SPTLC3: variants seen among roughly 807,000 people sequenced by gnomAD.
The protein encoded by SPTLC3 is serine palmitoyltransferase long chain base subunit 3.
Under a neutral mutation model 59.3 loss-of-function variants are expected in SPTLC3, and 36 were observed. The observed-to-expected ratio is 0.61, with a 90% CI of 0.47 to 0.80. The LOEUF is 0.80. Among genes scored for constraint, SPTLC3 ranks in the 30% least tolerant of loss-of-function variants. The probability of loss-of-function intolerance (pLI) is 0.00; values close to 1 mark genes in which losing one functional copy is unlikely to be tolerated. For synonymous variants in SPTLC3, 257 were observed against 240.8 expected (o/e 1.07, Z -0.62); for missense variants, 625 against 685.1 (o/e 0.91, Z 0.98).
At chr20:13,038,352 C>G (rs1237311311) in intron 1 of SPTLC3, among the ~76,000 whole-genome samples, 1 of 152,090 alleles carries the variant, frequency 6.6e-6, no homozygotes, top group Non-Finnish European at 1.5e-5. Context: ...ATTATTAATT[C>G]AATGCCTTCA....
chr20:13,091,828 T>G (rs1989232836), intron 5 of SPTLC3, among the ~76,000 whole-genome samples: 2 of 152,212 alleles, frequency 1.3e-5, no homozygotes, highest in Admixed American at 1.3e-4. Context: ...TATTAAGCAT[T>G]TATTTGGACA....
rs2038253296 is a variant in SPTLC3, at chr20:13,136,661, GTT to G, written c.1279+9945_1279+9946del. ...TATATACATGTATATATAAATAAAA[GTT>G]ATATATTATATACTTATATAGTATA... is the stretch of plus-strand genomic sequence containing the variant. On this transcript the variant is annotated intron_variant, in intron 9 of 11. Transcript: ENST00000399002. 4.2e-5 allele frequency among the ~76,000 whole-genome samples: 6 copies of G among 144,166 alleles called. 1 individual carries two copies. The South Asian group carries it at 1.3e-3, about 31-fold the overall frequency. The allele number at this position is 144,166 out of a possible 152,430, so 94.6% of individuals were successfully genotyped here. A position where few individuals can be genotyped will look rare whatever the true frequency, so the allele number is the denominator to read the frequency against.
chr20:13,163,127 G>A (rs2123009969), intron 11 of SPTLC3, among the ~76,000 whole-genome samples: 1 of 152,214 alleles, frequency 6.6e-6, no homozygotes, highest in Non-Finnish European at 1.5e-5. Context: ...CAGCACTTTG[G>A]GAGGTTGAGG....
At chr20:13,156,349 A>G (rs566699072) in intron 10 of SPTLC3, among the ~76,000 whole-genome samples, 1 of 152,344 alleles carries the variant, frequency 6.6e-6, no homozygotes, top group East Asian at 1.9e-4. Context: ...AGAGTCCGTA[A>G]GTAGTGAAAA....
At chr20:13,022,166 C>T (rs564514917) in intron 1 of SPTLC3, among the ~76,000 whole-genome samples, 2 of 152,288 alleles carry the variant, frequency 1.3e-5, no homozygotes, top group Non-Finnish European at 2.9e-5. Flanking sequence ...AAGCCATAAA[C>T]CCTGGTGCCA....
At chr20:13,136,726 A>G (rs1236888343) in intron 9 of SPTLC3, among the ~76,000 whole-genome samples, 1 of 147,772 alleles carries the variant, frequency 6.8e-6, no homozygotes, top group Non-Finnish European at 1.5e-5. Context: ...TAATATATAA[A>G]TAAAAGTTAT....
At chr20:13,063,153 A>G (rs1340343010) in intron 2 of SPTLC3, among the ~76,000 whole-genome samples, 1 of 152,120 alleles carries the variant, frequency 6.6e-6, no homozygotes, top group African/African-American at 2.4e-5. Flanking sequence ...TTTTGTCTTA[A>G]TTTGCATTTT....
chr20:13,073,858 T>G, intron 3 of SPTLC3: 1 of 541,046 alleles, frequency 1.8e-6, no homozygotes, highest in South Asian at 1.6e-5. Flanking sequence ...CTCTTTTTCC[T>G]TTTCTTTAAT....
intron 1 of SPTLC3, among the ~76,000 whole-genome samples, chr20:13,009,928 G>A (rs945808789): frequency 5.3e-5 from 8 of 152,176 alleles, no homozygotes; most frequent in Non-Finnish European, 1.0e-4. Flanking sequence ...GAAATGTGAC[G>A]TCACAGACAT....
chr20:13,107,005 T>G (rs1989937836), intron 6 of SPTLC3, among the ~76,000 whole-genome samples: 1 of 152,192 alleles, frequency 6.6e-6, no homozygotes, highest in African/African-American at 2.4e-5. Flanking sequence ...AATGGGCCAG[T>G]AATGTAGTCT....
intron 2 of SPTLC3, among the ~76,000 whole-genome samples, chr20:13,066,147 A>G (rs1350072878): frequency 3.9e-5 from 6 of 152,214 alleles, no homozygotes; most frequent in Non-Finnish European, 7.3e-5. Context: ...TTCACACGTA[A>G]GTGAGATCAT....
chr20:13,124,661 G>A (rs1470373716), intron 8 of SPTLC3, among the ~76,000 whole-genome samples: 1 of 152,160 alleles, frequency 6.6e-6, no homozygotes, highest in Admixed American at 6.6e-5. Context: ...ACCAGGCAGA[G>A]TCATCACATC....
intron 6 of SPTLC3, among the ~76,000 whole-genome samples, chr20:13,096,897 TG>T (rs1438853231): frequency 6.6e-6 from 1 of 152,172 alleles, no homozygotes; most frequent in Non-Finnish European, 1.5e-5. Flanking sequence ...CTTATTAGAC[TG>T]TGAAACTGTG....
intron 6 of SPTLC3, among the ~76,000 whole-genome samples, chr20:13,095,998 C>T (rs1361916939): frequency 1.3e-5 from 2 of 152,084 alleles, no homozygotes; most frequent in African/African-American, 4.8e-5. Context: ...GGTAGATATG[C>T]ATGCAAGTTA....
At chr20:13,114,512 A>G (rs549384545) in intron 7 of SPTLC3, among the ~76,000 whole-genome samples, 5 of 152,346 alleles carry the variant, frequency 3.3e-5, no homozygotes, top group Non-Finnish European at 5.9e-5. Flanking sequence ...CTCTTCTAAA[A>G]CAAATACATA....
rs144904591 is a variant in SPTLC3, at chr20:13,034,944, G to A, written c.118-14001G>A. 2.0e-3 allele frequency among the ~76,000 whole-genome samples: 304 copies of A among 152,224 alleles called. 1 individual carries two copies. The highest frequency in any genetic ancestry group is 6.1e-3 in the African/African-American group (255 of 41,564). Reference sequence around the variant, plus strand: ...GAGAAAGGTGATGGGTATCTATCCTGATGTTCTCAATTCTATCTTGGGGAT... The same window carrying A: ...GAGAAAGGTGATGGGTATCTATCCTAATGTTCTCAATTCTATCTTGGGGAT... On this transcript the variant is annotated intron_variant, in intron 1 of 11. Transcript: ENST00000399002.
chr20:13,126,436 T>C (rs1417766633), intron 8 of SPTLC3, among the ~76,000 whole-genome samples, 155 bp from the exon 9 acceptor site: 2 of 152,202 alleles, frequency 1.3e-5, no homozygotes, highest in Non-Finnish European at 2.9e-5. Flanking sequence ...AATAAATAGT[T>C]TGATGAAAAC....
Position 13,009,057 on chromosome 20 carries a change from G to T in SPTLC3, c.-211G>T. ...CCATGGAGTTCACATTTTGACGGGA[G>T]TTGAGAAGTATAAAGGTAACCATTT... On this transcript the variant is annotated 5_prime_UTR_variant, in exon 1 of 12. Coordinates refer to ENST00000399002, the MANE Select transcript of SPTLC3 (RefSeq NM_018327.4). 1 of 475,504 alleles carries T rather than the reference G, an allele frequency of 2.1e-6. No homozygotes were observed. Among genetic ancestry groups the T allele is most frequent in the Non-Finnish European group, 3.8e-6 (1 of 266,666 alleles). 29.5% of individuals were successfully genotyped at this position (475,504 alleles called of 1,614,324 possible). A position where few individuals can be genotyped will look rare whatever the true frequency, so the allele number is the denominator to read the frequency against.
intron 2 of SPTLC3, chr20:13,050,663 G>A (rs1222671350): frequency 1.3e-5 from 2 of 152,160 alleles, no homozygotes; most frequent in Non-Finnish European, 2.9e-5. Context: ...CATTTTAAGA[G>A]CTGTGAGACA....
Sources: gnomAD v4.1 joint callset for allele counts (sites outside exome capture counted in the v4.1 genomes callset) on GRCh38, gnomAD v4.1.1 for gene constraint, MANE v1.5 for transcripts, NCBI Gene and HGNC (gene_info 2026-07-23, HGNC 2026-07-21) for gene names.